Variants in ABL1 observed in about 807,000 individuals in gnomAD.
ABL1 encodes tyrosine-protein kinase ABL1.
ABL1 carries 11 observed loss-of-function variants against 94.7 expected under a neutral mutation model. That is an observed-to-expected ratio of 0.12 (90% CI 0.07 to 0.19). The LOEUF (loss-of-function observed/expected upper bound fraction) is 0.19, where lower values mean the gene tolerates loss of function less well. Ranked by LOEUF, ABL1 falls within the 10% of genes least tolerant of loss-of-function variation. The probability of loss-of-function intolerance (pLI) is 1.00; values close to 1 mark genes in which losing one functional copy is unlikely to be tolerated. For missense variants in ABL1, 1,082 were observed against 1,489.4 expected, an observed-to-expected ratio of 0.73 and a Z score of 4.50; for synonymous variants, 656 against 622.4, an observed-to-expected ratio of 1.05 and a Z score of -0.80.
Position 130,886,633 on chromosome 9 carries a change from C to CT in ABL1, c.*953dup. 4.3e-6 allele frequency: 1 copy of CT among 233,736 alleles called. No individual in the cohort carries two copies. Among genetic ancestry groups the CT allele is most frequent in the Non-Finnish European group, 8.5e-6 (1 of 118,070 alleles). The allele number at this position is 233,736 out of a possible 1,614,324, so 14.5% of individuals were successfully genotyped here. ...CTGCAAGGGCCCAGAGTGAACCGTC[C>CT]TTTCACACATCTGGGTGCCCTGAAA... On this transcript the variant is annotated 3_prime_UTR_variant, in exon 11 of 11. Transcript: ENST00000318560.
At chr9:130,755,181 A>C (rs1832026960) in intron 1 of ABL1, among the ~76,000 whole-genome samples, 1 of 152,224 alleles carries the variant, frequency 6.6e-6, no homozygotes, top group Non-Finnish European at 1.5e-5. Context: ...TAAGAAAATT[A>C]TTCTGTAATC....
intron 4 of ABL1, among the ~76,000 whole-genome samples, chr9:130,869,099 G>A (rs576254087): frequency 4.3e-4 from 66 of 152,078 alleles, no homozygotes; most frequent in African/African-American, 1.5e-3. Flanking sequence ...CCTGGGAGGC[G>A]GAGCTTGCAG....
chr9:130,715,143 G>A (rs1423877310), intron 1 of ABL1, among the ~76,000 whole-genome samples: 3 of 152,254 alleles, frequency 2.0e-5, no homozygotes, highest in African/African-American at 7.2e-5. Context: ...GGTTATCTGT[G>A]ACATTTTTAT....
chr9:130,721,103 G>A (rs563448791), intron 1 of ABL1, among the ~76,000 whole-genome samples: 1 of 152,170 alleles, frequency 6.6e-6, no homozygotes, highest in African/African-American at 2.4e-5. Context: ...TGTAGGCCGG[G>A]CGCTGTGACT....
rs188549511 is a variant in ABL1 at position 130,851,072 on chromosome 9, C to T, written c.80-2992C>T. Among the ~76,000 whole-genome samples the T allele has an allele frequency of 7.2e-3, 1,089 of 152,048 alleles. 11 individuals are homozygous for T. Among genetic ancestry groups the T allele is most frequent in the African/African-American group, 0.024 (1,006 of 41,464 alleles). The stretch of plus-strand genomic sequence containing the variant: ...CCGAGTAGCTGGGACTACAGGTGCC[C>T]GCCACCACGCCCAGCTAATTTTTTT... On this transcript the variant is annotated intron_variant, in intron 1 of 10. Coordinates refer to ENST00000318560, the MANE Select transcript of ABL1 (RefSeq NM_005157.6).
intron 7 of ABL1, 101 bp from the exon 8 acceptor site, chr9:130,878,314 C>A: frequency 7.3e-7 from 1 of 1,375,102 alleles, no homozygotes. Context: ...GCTGCTGGGG[C>A]CATCCCTTCT....
At chr9:130,731,167 C>T (rs1274277498) in intron 1 of ABL1, among the ~76,000 whole-genome samples, 1 of 151,216 alleles carries the variant, frequency 6.6e-6, no homozygotes, top group East Asian at 2.0e-4. Context: ...CCACCATGCC[C>T]AGCTAGTTTT....
In ABL1 at chr9:130,835,830, A is replaced by G. The variant is rs1045983682; in HGVS notation, c.79+305A>G. On this transcript the variant is annotated intron_variant, in intron 1 of 10. Coordinates refer to ENST00000318560, the MANE Select transcript of ABL1 (RefSeq NM_005157.6). This position sits in a 1 kb window ranked among gnomAD's most constrained non-coding sequence, Gnocchi z 4.6. ...GCGGAGCGTGGCCCCCAGCCCCGGC[A>G]CCAGCCCCGGTAGAGCCACGCCGGA... is the stretch of plus-strand genomic sequence containing the variant. Among the ~76,000 whole-genome samples, 6 of 152,084 alleles carry G rather than the reference A, an allele frequency of 3.9e-5. No homozygotes were observed. Among genetic ancestry groups the G allele is most frequent in the East Asian group, 1.9e-4 (1 of 5,170 alleles).
At chr9:130,760,660 C>G (rs918278970) in intron 1 of ABL1, among the ~76,000 whole-genome samples, 4 of 151,808 alleles carry the variant, frequency 2.6e-5, no homozygotes, top group Non-Finnish European at 5.9e-5. Flanking sequence ...GATTTATTTC[C>G]TCCCCCACTT....
At chr9:130,800,297 A>C (rs1405386993) in intron 1 of ABL1, among the ~76,000 whole-genome samples, 1 of 152,136 alleles carries the variant, frequency 6.6e-6, no homozygotes, top group African/African-American at 2.4e-5. Flanking sequence ...TTAAGTATAC[A>C]TTTTGGTGAA....
chr9:130,739,160 C>T (rs1190682864), intron 1 of ABL1, among the ~76,000 whole-genome samples: 1 of 152,198 alleles, frequency 6.6e-6, no homozygotes, highest in Non-Finnish European at 1.5e-5. Flanking sequence ...TCCCAAAGTG[C>T]TGGGATTACA....
chr9:130,773,326 A>T (rs970728162), intron 1 of ABL1, among the ~76,000 whole-genome samples: 3 of 151,966 alleles, frequency 2.0e-5, no homozygotes, highest in Non-Finnish European at 4.4e-5. Flanking sequence ...TCTCGAATTT[A>T]AAAAAAAATT....
intron 1 of ABL1, among the ~76,000 whole-genome samples, chr9:130,739,083 G>A (rs1333087812): frequency 1.3e-5 from 2 of 152,110 alleles, no homozygotes; most frequent in Non-Finnish European, 2.9e-5. Context: ...TAGTAGAGAC[G>A]TGGTTTCACT....
chr9:130,716,849 C>G (rs1831447977), intron 1 of ABL1, among the ~76,000 whole-genome samples: 1 of 151,484 alleles, frequency 6.6e-6, no homozygotes, highest in Admixed American at 6.6e-5. Flanking sequence ...CTCCCGGGTT[C>G]AAGCGATTCT....
intron 1 of ABL1, among the ~76,000 whole-genome samples, chr9:130,722,007 C>T (rs1328948512): frequency 1.3e-5 from 2 of 151,586 alleles, no homozygotes; most frequent in Admixed American, 6.6e-5. Flanking sequence ...TGGTTTTGAT[C>T]TCGTGACCTC....
chr9:130,734,753 C>T (rs557960828), intron 1 of ABL1, among the ~76,000 whole-genome samples: 21 of 151,630 alleles, frequency 1.4e-4, no homozygotes, highest in Admixed American at 8.5e-4. Flanking sequence ...AATTCCTGGC[C>T]TCAAGTGATC....
intron 1 of ABL1, among the ~76,000 whole-genome samples, chr9:130,804,750 G>A (rs1213304467): frequency 1.3e-5 from 2 of 152,030 alleles, no homozygotes; most frequent in Non-Finnish European, 2.9e-5. Flanking sequence ...TTTAAATCAC[G>A]AGAAGTTAAG....
intron 1 of ABL1, among the ~76,000 whole-genome samples, chr9:130,720,879 G>A (rs1407479503): frequency 6.6e-6 from 1 of 151,962 alleles, no homozygotes. Flanking sequence ...TGACTCTCAG[G>A]TTTTCGAACT....
chr9:130,859,961 G>C (rs973164179), intron 3 of ABL1, among the ~76,000 whole-genome samples: 7 of 152,126 alleles, frequency 4.6e-5, no homozygotes, highest in African/African-American at 7.2e-5. Flanking sequence ...TTACAGGCGT[G>C]AGCCACTGCT....
Sources: allele counts gnomAD v4.1 joint callset (sites outside exome capture counted in the v4.1 genomes callset), GRCh38; gene constraint gnomAD v4.1.1; non-coding constraint Gnocchi (gnomAD v3.1); transcripts MANE v1.5; gene names NCBI Gene and HGNC (gene_info 2026-07-23, HGNC 2026-07-21).